NOL4: variants seen among roughly 807,000 people sequenced by gnomAD.
NOL4 encodes the protein nucleolar protein 4, also known as cancer/testis antigen 125.
Under a neutral mutation model 75.9 loss-of-function variants are expected in NOL4, and 17 were observed. The observed-to-expected ratio is 0.22, with a 90% CI of 0.15 to 0.34. The LOEUF is 0.34. Among genes scored for constraint, NOL4 ranks in the 10% least tolerant of loss-of-function variants. The pLI is 1.00. For missense variants in NOL4, 614 were observed against 793.5 expected (o/e 0.77, Z 2.72); for synonymous variants, 292 against 289.9 (o/e 1.01, Z -0.07).
chr18:34,041,802 T>G (rs2076153035), intron 5 of NOL4, among the ~76,000 whole-genome samples: 1 of 151,948 alleles, frequency 6.6e-6, no homozygotes, highest in South Asian at 2.1e-4. Flanking sequence ...AAAATACACC[T>G]TGGGTTTGTT....
chr18:33,938,495 C>T (rs1050801633), intron 9 of NOL4, among the ~76,000 whole-genome samples: 1 of 152,074 alleles, frequency 6.6e-6, no homozygotes, highest in Non-Finnish European at 1.5e-5. Context: ...GAGATGGTAT[C>T]TCATTGTGGT....
chr18:33,904,174 T>A (rs189405408), intron 9 of NOL4, among the ~76,000 whole-genome samples: 175 of 152,220 alleles, frequency 1.1e-3, no homozygotes, highest in African/African-American at 4.0e-3. Context: ...TTAACTAGCT[T>A]TAAGTCATTT....
At chr18:34,216,955 T>C (rs1008874910) in intron 1 of NOL4, among the ~76,000 whole-genome samples, 1 of 152,138 alleles carries the variant, frequency 6.6e-6, no homozygotes, top group African/African-American at 2.4e-5. Context: ...TAGCATATCA[T>C]CATCATCCTA....
chr18:34,188,951 G>T (rs942558001), intron 1 of NOL4, among the ~76,000 whole-genome samples: 1 of 152,006 alleles, frequency 6.6e-6, no homozygotes, highest in African/African-American at 2.4e-5. Flanking sequence ...AAGATTAAAG[G>T]TAAAATGAGC....
At chr18:33,941,784 T>C (rs2068505227) in intron 9 of NOL4, among the ~76,000 whole-genome samples, 1 of 151,860 alleles carries the variant, frequency 6.6e-6, no homozygotes, top group African/African-American at 2.4e-5. Context: ...ACCAGGTCTA[T>C]TTAGTTCCAG....
At chr18:34,019,252 G>T (rs1052145333) in intron 6 of NOL4, 66 bp downstream of exon 6, 1 of 1,315,974 alleles carries the variant, frequency 7.6e-7, no homozygotes, top group Non-Finnish European at 1.1e-6. Flanking sequence ...TCTGCTATAT[G>T]CATAGGTATT....
intron 10 of NOL4, among the ~76,000 whole-genome samples, chr18:33,875,039 T>A (rs1194109874): frequency 6.6e-6 from 1 of 152,068 alleles, no homozygotes; most frequent in Non-Finnish European, 1.5e-5. Context: ...TAGATTTTGG[T>A]CTGTATATCA....
chr18:34,178,335 A>G (rs1378854768), intron 1 of NOL4, among the ~76,000 whole-genome samples: 1 of 151,806 alleles, frequency 6.6e-6, no homozygotes, highest in African/African-American at 2.4e-5. Context: ...AATTGCGGGG[A>G]AGAAAAACAG....
chr18:34,161,751 C>A (rs535635046), intron 1 of NOL4, among the ~76,000 whole-genome samples: 2 of 151,952 alleles, frequency 1.3e-5, no homozygotes, highest in African/African-American at 2.4e-5. Flanking sequence ...AATTCCTTGA[C>A]AAATGTGAAT....
intron 6 of NOL4, among the ~76,000 whole-genome samples, chr18:33,978,395 C>T (rs1811693252): frequency 6.6e-6 from 1 of 151,998 alleles, no homozygotes; most frequent in South Asian, 2.1e-4. Context: ...TGTAGTATTC[C>T]ATTAGTCAGG....
chr18:34,019,060 C>G (rs1206945492), intron 6 of NOL4, among the ~76,000 whole-genome samples: 1 of 152,116 alleles, frequency 6.6e-6, no homozygotes, highest in African/African-American at 2.4e-5. Flanking sequence ...AGATTATATA[C>G]ATGAGAAACA....
At chr18:33,903,061 A>G (rs1038253400) in intron 9 of NOL4, among the ~76,000 whole-genome samples, 2 of 152,220 alleles carry the variant, frequency 1.3e-5, no homozygotes, top group Non-Finnish European at 2.9e-5. Flanking sequence ...TGTCAAAGCT[A>G]TAAAGTTAAT....
chr18:33,989,971 T>C (rs1948947527), intron 6 of NOL4, among the ~76,000 whole-genome samples: 2 of 152,070 alleles, frequency 1.3e-5, no homozygotes, highest in Admixed American at 6.6e-5. Flanking sequence ...ATTGAGCACC[T>C]GTTATGTACC....
intron 5 of NOL4, among the ~76,000 whole-genome samples, chr18:34,047,920 T>C (rs1321158521): frequency 2.0e-5 from 3 of 152,158 alleles, no homozygotes; most frequent in Admixed American, 6.6e-5. Context: ...TATTAATTGC[T>C]CTTCACTCAA....
chr18:34,032,791 C>G (rs1349648991), intron 5 of NOL4, among the ~76,000 whole-genome samples: 2 of 152,152 alleles, frequency 1.3e-5, no homozygotes, highest in African/African-American at 4.8e-5. Flanking sequence ...GGGTACACCA[C>G]TCTGGGACCC....
intron 2 of NOL4, among the ~76,000 whole-genome samples, chr18:34,112,960 A>C (rs911342472): frequency 1.3e-5 from 2 of 152,152 alleles, no homozygotes; most frequent in African/African-American, 4.8e-5. Context: ...AACACGTTGT[A>C]CACCTAACAT....
chr18:34,027,198 A>G (rs2075387377), intron 5 of NOL4, among the ~76,000 whole-genome samples: 1 of 152,224 alleles, frequency 6.6e-6, no homozygotes, highest in African/African-American at 2.4e-5. Context: ...AGGAGGATAG[A>G]GAGGAGAAAG....
chr18:34,086,185 T>C (rs954864206), intron 5 of NOL4, among the ~76,000 whole-genome samples: 2 of 152,148 alleles, frequency 1.3e-5, no homozygotes, highest in African/African-American at 4.8e-5. Context: ...GTATCATTTT[T>C]AGGTATTTTA....
intron 6 of NOL4, among the ~76,000 whole-genome samples, chr18:34,001,032 A>G (rs1289289567): frequency 6.6e-6 from 1 of 152,178 alleles, no homozygotes; most frequent in Non-Finnish European, 1.5e-5. Context: ...CTCACAGAAA[A>G]ACAAGAAAGT....
Sources: allele counts gnomAD v4.1 joint callset (sites outside exome capture counted in the v4.1 genomes callset), GRCh38; gene constraint gnomAD v4.1.1; transcripts MANE v1.5; gene names NCBI Gene and HGNC (gene_info 2026-07-23, HGNC 2026-07-21).